The following PKN2 variants were observed in gnomAD, a reference collection of about 807,000 sequenced individuals.
The protein encoded by PKN2 is serine/threonine-protein kinase N2.
Under a neutral mutation model 119.1 loss-of-function variants are expected in PKN2, and 38 were observed. The observed-to-expected ratio is 0.32, with a 90% CI of 0.25 to 0.42. PKN2 has a LOEUF of 0.42. Ranked by LOEUF, PKN2 falls within the 10% of genes least tolerant of loss-of-function variation. The pLI is 1.00. For missense variants in PKN2, 850 were observed against 1,165.1 expected (o/e 0.73, Z 3.94); for synonymous variants, 390 against 384.9 (o/e 1.01, Z -0.15).
Position 88,701,824 on chromosome 1 carries a change from A to C in PKN2, c.48+17196A>C, listed in dbSNP as rs554971216. Among the ~76,000 whole-genome samples, 127 of 152,334 alleles carry C rather than the reference A, an allele frequency of 8.3e-4. 1 individual carries two copies. In the South Asian group the frequency reaches 0.026, roughly 31 times the overall value. Reference sequence around the variant, plus strand: ...TATATCAGAAGTACTTATTTGACTGAATTATGAAAAGTCAAAGTTTAAATT... The same window carrying C: ...TATATCAGAAGTACTTATTTGACTGCATTATGAAAAGTCAAAGTTTAAATT... On this transcript the variant is annotated intron_variant, in intron 1 of 21. Transcript: ENST00000370521.
intron 2 of PKN2, among the ~76,000 whole-genome samples, chr1:88,743,273 T>TTG (rs1668645397): frequency 6.6e-6 from 1 of 152,202 alleles, no homozygotes; most frequent in Non-Finnish European, 1.5e-5. Context: ...TTTTTAACAA[T>TTG]TGTGTGTGTG....
At chr1:88,809,514 C>T (rs753581108) in intron 15 of PKN2, among the ~76,000 whole-genome samples, 187 of 152,320 alleles carry the variant, frequency 1.2e-3, no homozygotes, top group Middle Eastern at 3.4e-3. Flanking sequence ...CTTGTTACGT[C>T]TTTGTGCTGA....
rs376649834 is a variant in PKN2 at position 88,824,396 on chromosome 1, T to C, written c.2419+10T>C. ...GGTCTTTGCAAAGAAGGTAATCGAA[T>C]GTTTTTAAGTTTCTTTTCTGATTCA... On this transcript the variant is annotated intron_variant, in intron 18 of 21. Transcript: ENST00000370521. The C allele has an allele frequency of 1.4e-5, 21 of 1,491,884 alleles. No individual in the cohort carries two copies. The East Asian group carries it at 1.8e-4, about 13-fold the overall frequency. 92.4% of individuals were successfully genotyped at this position (1,491,884 alleles called of 1,614,324 possible).
intron 12 of PKN2, among the ~76,000 whole-genome samples, 173 bp from the exon 13 acceptor site, chr1:88,807,140 A>C (rs72724770): frequency 0.017 from 2,639 of 152,132 alleles, 31 homozygotes; most frequent in Non-Finnish European, 0.027. Flanking sequence ...ACATAGTGAG[A>C]CCCACCTCTA....
At chr1:88,817,622 T>C (rs937894128) in intron 16 of PKN2, among the ~76,000 whole-genome samples, 5 of 142,566 alleles carry the variant, frequency 3.5e-5, no homozygotes, top group African/African-American at 1.3e-4. Context: ...GGCAGGAGAA[T>C]CGCTTGAACC....
intron 1 of PKN2, chr1:88,684,912 C>T: frequency 2.7e-6 from 1 of 364,288 alleles, no homozygotes; most frequent in East Asian, 4.2e-5. Context: ...AGCCTGCTCT[C>T]GCCTGGTCCC....
intron 1 of PKN2, among the ~76,000 whole-genome samples, chr1:88,738,488 G>A (rs929265297): frequency 6.6e-6 from 1 of 152,246 alleles, no homozygotes; most frequent in Non-Finnish European, 1.5e-5. Flanking sequence ...CTTAGTGGCT[G>A]AGCCAAGAGA....
At chr1:88,791,536 A>G (rs1428463118) in intron 8 of PKN2, among the ~76,000 whole-genome samples, 2 of 152,208 alleles carry the variant, frequency 1.3e-5, no homozygotes, top group Non-Finnish European at 2.9e-5. Flanking sequence ...TACTGAAAAA[A>G]TAAGCTGTTT....
At chr1:88,746,890 G>T (rs918250169) in intron 2 of PKN2, among the ~76,000 whole-genome samples, 2 of 152,084 alleles carry the variant, frequency 1.3e-5, no homozygotes, top group Admixed American at 6.6e-5. Flanking sequence ...TTAAAACATG[G>T]TATATAAACA....
At chr1:88,720,077 G>A (rs956100629) in intron 1 of PKN2, among the ~76,000 whole-genome samples, 13 of 152,060 alleles carry the variant, frequency 8.5e-5, no homozygotes, top group Non-Finnish European at 1.9e-4. Flanking sequence ...CTGTTGCTCA[G>A]GGTGGAGTGC....
chr1:88,787,663 T>C (rs897353233), intron 8 of PKN2, among the ~76,000 whole-genome samples: 1 of 152,226 alleles, frequency 6.6e-6, no homozygotes, highest in African/African-American at 2.4e-5. Flanking sequence ...TAAAAGACTG[T>C]GATAACTGTT....
At position 88,813,857 on chromosome 1, in the gene PKN2, T is replaced by G. The variant is rs1166003991; in HGVS notation, c.2279+124T>G. 3 of 687,218 alleles carry G rather than the reference T, an allele frequency of 4.4e-6. No individual in the cohort carries two copies. The African/African-American group carries it at 5.6e-5, about 13-fold the overall frequency. The allele number at this position is 687,218 out of a possible 1,614,324, so 42.6% of individuals were successfully genotyped here. On this transcript the variant is annotated intron_variant, in intron 16 of 21. Transcript: ENST00000370521. ...GAAAATAGATCTCTGCAAGAAATAC[T>G]AGAACTCCTTACTTACTTTTTTGCC...
intron 12 of PKN2, among the ~76,000 whole-genome samples, chr1:88,806,666 T>C (rs1671554408): frequency 6.6e-6 from 1 of 152,192 alleles, no homozygotes; most frequent in African/African-American, 2.4e-5. Context: ...TGAAATACTA[T>C]TCTTCTTCTA....
chr1:88,807,424 C>A lies in PKN2; in HGVS notation c.1915C>A (p.Gln639Lys). 1 of 1,610,276 alleles carries A rather than the reference C, an allele frequency of 6.2e-7. No individual in the cohort carries two copies. The highest frequency in any genetic ancestry group is 1.1e-5 in the South Asian group (1 of 90,126). The change falls in exon 13 of 22, where the codon CAA (glutamine) becomes AAA (lysine). Residue 639 changes from glutamine (Q) to lysine (K), a missense_variant. Transcript: ENST00000370521. ...PQSGLEYSGI[Q>K]ELEDRRSQQR... is the part of the protein sequence containing the mutation. ...GTCAGGCCTAGAATATAGTGGTATT[C>A]AAGAACTTGAGGACAGAAGGTAAAG...
chr1:88,771,099 A>C (rs951723840), intron 4 of PKN2, among the ~76,000 whole-genome samples: 4 of 151,500 alleles, frequency 2.6e-5, no homozygotes, highest in Non-Finnish European at 4.4e-5. Context: ...GTTTTGTTTT[A>C]TTTATTTTTT....
chr1:88,738,256 TA>T (rs535059135), intron 1 of PKN2, among the ~76,000 whole-genome samples: 5 of 151,276 alleles, frequency 3.3e-5, no homozygotes, highest in Admixed American at 1.3e-4. Flanking sequence ...AGTGGTCAGA[TA>T]AAAAAAAGGG....
Position 88,804,523 on chromosome 1 carries a change from T to G in PKN2, c.1414T>G (p.Leu472Val). 1 of 1,612,710 alleles carries G rather than the reference T, an allele frequency of 6.2e-7. No individual in the cohort carries two copies. Among genetic ancestry groups the G allele is most frequent in the Non-Finnish European group, 8.5e-7 (1 of 1,179,250 alleles). Reference protein sequence around the residue: ...MCLYLEPQGTLFAEVTFFNPV... With the variant: ...MCLYLEPQGTVFAEVTFFNPV... ...TCTCTATTTGGAACCACAGGGTACTTTATTTGCAGAGGTAATAAATGTATT... is the reference window on the plus strand; with the variant it reads ...TCTCTATTTGGAACCACAGGGTACTGTATTTGCAGAGGTAATAAATGTATT... Residue 472 changes from leucine to valine, a missense_variant, in exon 9 of 22, where the codon TTA becomes GTA. Coordinates refer to ENST00000370521, the MANE Select transcript of PKN2 (RefSeq NM_006256.4).
At chr1:88,799,887 A>T (rs1671238910) in intron 8 of PKN2, among the ~76,000 whole-genome samples, 1 of 152,118 alleles carries the variant, frequency 6.6e-6, no homozygotes, top group South Asian at 2.1e-4. Flanking sequence ...TGCTGCTAGG[A>T]CCCTCACTGA....
intron 3 of PKN2, among the ~76,000 whole-genome samples, chr1:88,769,089 A>G (rs895280545): frequency 9.9e-5 from 15 of 152,170 alleles, no homozygotes; most frequent in Non-Finnish European, 1.6e-4. Context: ...TGACCTAAAT[A>G]CCTTCCAGTA....
Sources: allele counts gnomAD v4.1 joint callset (sites outside exome capture counted in the v4.1 genomes callset), GRCh38; gene constraint gnomAD v4.1.1; transcripts MANE v1.5; gene names NCBI Gene and HGNC (gene_info 2026-07-23, HGNC 2026-07-21).